Variants in DNAH10 observed in about 807,000 individuals in gnomAD.
DNAH10 encodes the protein dynein axonemal heavy chain 10.
In DNAH10, 348 loss-of-function variants were observed where a neutral mutation model predicts 506.6. The ratio of observed to expected loss-of-function variants is 0.69; its 90% CI spans 0.63 to 0.75. DNAH10 has a LOEUF of 0.75. DNAH10 is among the 30% of genes least tolerant of loss of function. The pLI is 0.00. For synonymous variants in DNAH10, 2,059 were observed against 2,198.6 expected (o/e 0.94, Z 1.78); for missense variants, 5,179 against 5,787.1 (o/e 0.89, Z 3.41).
At position 123,928,473 on chromosome 12, in the gene DNAH10, A is replaced by C. The variant is rs764367344; in HGVS notation, c.12192A>C (p.Lys4064Asn). The change falls in exon 70 of 79, where the codon AAA (lysine) becomes AAC (asparagine). Residue 4064 changes from lysine (K) to asparagine (N), a missense_variant. Transcript: ENST00000673944. The surrounding 1 kb of genome is among the most constrained non-coding windows in gnomAD (Gnocchi z 4.9). ...QNCHLLVKWLKDLEKSLERIT... is the reference protein window; with the variant it reads ...QNCHLLVKWLNDLEKSLERIT... ...GCCACCTCCTGGTCAAGTGGCTGAAAGATCTGGAGAAGTCCCTGGAGAGGA... is the reference window on the plus strand; with the variant it reads ...GCCACCTCCTGGTCAAGTGGCTGAACGATCTGGAGAAGTCCCTGGAGAGGA... The C allele has an allele frequency of 1.2e-5, 20 of 1,610,754 alleles. No homozygotes were observed. The highest frequency in any genetic ancestry group is 4.4e-5 in the South Asian group (4 of 90,252).
chr12:123,795,138 C>T (rs1958229128), intron 12 of DNAH10, among the ~76,000 whole-genome samples: 1 of 100,452 alleles, frequency 1.0e-5, no homozygotes, highest in Non-Finnish European at 1.8e-5. Context: ...ACGAGTGAAA[C>T]TTCGTCTCAA....
chr12:123,821,677 T>A (rs765751152), intron 24 of DNAH10, among the ~76,000 whole-genome samples: 14 of 152,048 alleles, frequency 9.2e-5, no homozygotes, highest in Non-Finnish European at 1.3e-4. Context: ...ATTTTTTTTT[T>A]ATGTATTTTA....
chr12:123,772,828 T>C lies in DNAH10; in HGVS notation c.397-6T>C. On this transcript the variant is annotated splice_region_variant and splice_polypyrimidine_tract_variant and intron_variant, in intron 3 of 78. Coordinates refer to ENST00000673944, the MANE Select transcript of DNAH10 (RefSeq NM_001372106.1). The stretch of plus-strand genomic sequence containing the variant: ...GAATGAATGGTTTTTGTTCCCCATG[T>C]TTCAGAGAACTGCGAAGCACATCAT... The C allele has an allele frequency of 6.3e-7, 1 of 1,591,598 alleles. No individual in the cohort carries two copies. The highest frequency in any genetic ancestry group is 8.5e-7 in the Non-Finnish European group (1 of 1,169,984).
intron 65 of DNAH10, among the ~76,000 whole-genome samples, chr12:123,921,992 G>C (rs1232277618): frequency 1.3e-5 from 2 of 151,932 alleles, no homozygotes; most frequent in African/African-American, 4.8e-5. Flanking sequence ...TAGGATTACA[G>C]ATGTGAGCCA....
intron 19 of DNAH10, among the ~76,000 whole-genome samples, chr12:123,812,936 C>T (rs527855977): frequency 5.3e-5 from 8 of 152,270 alleles, no homozygotes. Context: ...ATGTCCGCCC[C>T]TTTCCATTGG....
intron 43 of DNAH10, among the ~76,000 whole-genome samples, chr12:123,869,658 A>T (rs578075493): frequency 6.6e-6 from 1 of 152,232 alleles, no homozygotes; most frequent in African/African-American, 2.4e-5. Context: ...CTCCTTTTAC[A>T]GTGGAAGAGG....
chr12:123,866,924 T>C (rs924470150), intron 41 of DNAH10, among the ~76,000 whole-genome samples: 4 of 152,166 alleles, frequency 2.6e-5, no homozygotes, highest in Non-Finnish European at 4.4e-5. Flanking sequence ...AACACAGGTG[T>C]TCTGGGTGTG....
chr12:123,787,983 A>G lies in DNAH10; in HGVS notation c.1601A>G (p.Asp534Gly). ...GATTATATGGCCACCATCTGCCAGG[A>G]CCTCTCCGACGTTCTGCAGGTAGGG... ...RTDYMATICQ[D>G]LSDVLQILEE... Residue 534 changes from aspartate to glycine, a missense_variant, in exon 10 of 79, where the codon GAC (aspartate) becomes GGC (glycine). By Grantham distance (94) the Asp-to-Gly change is moderately conservative (BLOSUM62 -1). Coordinates refer to ENST00000673944, the MANE Select transcript of DNAH10 (RefSeq NM_001372106.1). This position sits in a 1 kb window ranked among gnomAD's most constrained non-coding sequence, Gnocchi z 4.6. The G allele has an allele frequency of 1.3e-6, 2 of 1,573,070 alleles. No individual in the cohort carries two copies. The highest frequency in any genetic ancestry group is 1.7e-6 in the Non-Finnish European group (2 of 1,158,774).
At position 123,914,669 on chromosome 12, in the gene DNAH10, C is replaced by T. The variant is rs538249693; in HGVS notation, c.10574+119C>T. ...GGCATCACCAGGACCACAGTTGGCT[C>T]GACTGCATGGAAGTGGCCGGGCAAG... On this transcript the variant is annotated intron_variant, in intron 61 of 78. Transcript: ENST00000673944. The T allele has an allele frequency of 1.4e-3, 1,955 of 1,399,250 alleles. 2 individuals carry two copies. The highest frequency in any genetic ancestry group is 1.7e-3 in the Non-Finnish European group (1,750 of 1,046,190). The allele number at this position is 1,399,250 out of a possible 1,614,324, so 86.7% of individuals were successfully genotyped here.
chr12:123,886,493 A>G (rs962882230), intron 51 of DNAH10, among the ~76,000 whole-genome samples: 19 of 148,272 alleles, frequency 1.3e-4, no homozygotes, highest in African/African-American at 4.1e-4. Flanking sequence ...GTGTGTGCAC[A>G]CGTGTGTGTG....
chr12:123,893,246 G>T lies in DNAH10; in HGVS notation c.9009G>T (p.Ala3003=). 6.2e-7 allele frequency: 1 copy of T among 1,614,002 alleles called. No homozygotes were observed. ...TTCCTTTTCCAGGAATTGTACCTGC[G>T]CTTTTTTCTGAAGAGGAGAAAGAGT... ...NNMLTSGIVP[A]LFSEEEKESI... The change falls in exon 53 of 79, where the codon GCG becomes GCT. Residue 3003 remains alanine (A), a synonymous_variant. Coordinates refer to ENST00000673944, the MANE Select transcript of DNAH10 (RefSeq NM_001372106.1).
At chr12:123,881,907 T>C (rs143514998) in intron 51 of DNAH10, 94 bp downstream of exon 51, 14 of 1,193,442 alleles carry the variant, frequency 1.2e-5, no homozygotes, top group African/African-American at 3.2e-5. Context: ...CAGCAGATCA[T>C]AGCATGATGT....
rs1449633571 is a variant in DNAH10 at position 123,791,953 on chromosome 12, A to ACTCC, written c.1815+1832_1815+1833insCTCC. On this transcript the variant is annotated intron_variant, in intron 11 of 78. Transcript: ENST00000673944. ...TTGCTGTCATTTTCCACAATTTTAG[A>ACTCC]TGTTTCTTTTGTTGTTAACCCCTAT... Among the ~76,000 whole-genome samples the ACTCC allele has an allele frequency of 2.6e-5, 4 of 152,068 alleles. No homozygotes were observed. The East Asian group carries it at 7.7e-4, about 29-fold the overall frequency.
chr12:123,813,679 G>T, intron 20 of DNAH10, 39 bp downstream of exon 20: 1 of 1,612,974 alleles, frequency 6.2e-7, no homozygotes, highest in Non-Finnish European at 8.5e-7. Flanking sequence ...TACTTTTCGT[G>T]TAAGTTGGGT....
intron 53 of DNAH10, among the ~76,000 whole-genome samples, chr12:123,893,816 A>G (rs1953098791): frequency 6.6e-6 from 1 of 152,168 alleles, no homozygotes; most frequent in Non-Finnish European, 1.5e-5. Flanking sequence ...ATGCCTGGAG[A>G]CATTTTTGGT....
In DNAH10 at chr12:123,926,501, A is replaced by C; in HGVS notation, c.11922-136A>C. On this transcript the variant is annotated intron_variant, in intron 68 of 78. Coordinates refer to ENST00000673944, the MANE Select transcript of DNAH10 (RefSeq NM_001372106.1). This position sits in a 1 kb window ranked among gnomAD's most constrained non-coding sequence, Gnocchi z 4.1. ...TAGAAACTAGAATCTAAAACAGGGA[A>C]GACTGCAACGAGCTATCCCAGAGGA... The C allele has an allele frequency of 2.2e-6, 2 of 892,162 alleles. No individual in the cohort carries two copies. Among genetic ancestry groups the C allele is most frequent in the Non-Finnish European group, 1.7e-6 (1 of 604,050 alleles). The allele number at this position is 892,162 out of a possible 1,614,324, so 55.3% of individuals were successfully genotyped here. A position where few individuals can be genotyped will look rare whatever the true frequency, so the allele number is the denominator to read the frequency against.
intron 24 of DNAH10, among the ~76,000 whole-genome samples, chr12:123,826,193 A>C (rs1008929322): frequency 2.6e-5 from 4 of 152,192 alleles, no homozygotes; most frequent in Non-Finnish European, 1.5e-5. Context: ...TTCTCTTTAC[A>C]ATCATCAAGT....
At chr12:123,883,840 G>C (rs1022372154) in intron 51 of DNAH10, among the ~76,000 whole-genome samples, 2 of 152,124 alleles carry the variant, frequency 1.3e-5, no homozygotes, top group Non-Finnish European at 2.9e-5. Flanking sequence ...CCATGCAATG[G>C]ACTGAAGTTT....
At chr12:123,831,945 T>C (rs549533130) in intron 26 of DNAH10, among the ~76,000 whole-genome samples, 131 of 151,398 alleles carry the variant, frequency 8.7e-4, no homozygotes, top group African/African-American at 2.9e-3. Context: ...AAATATGGTC[T>C]AATAATCCTA....
Sources: gnomAD v4.1 joint callset for allele counts (sites outside exome capture counted in the v4.1 genomes callset) on GRCh38, gnomAD v4.1.1 for gene constraint, Gnocchi (gnomAD v3.1) non-coding constraint, MANE v1.5 for transcripts, NCBI Gene and HGNC (gene_info 2026-07-23, HGNC 2026-07-21) for gene names.